Variants in NFIA observed in about 807,000 individuals in gnomAD.
The protein encoded by NFIA is nuclear factor I A, also known as nuclear factor 1 A-type.
Under a neutral mutation model 62.8 loss-of-function variants are expected in NFIA, and 8 were observed. That is an observed-to-expected ratio of 0.13 (90% CI 0.07 to 0.23). NFIA has a LOEUF of 0.23. Among genes scored for constraint, NFIA ranks in the 10% least tolerant of loss-of-function variants. The pLI is 1.00. For synonymous variants in NFIA, 235 were observed against 238.1 expected (o/e 0.99, Z 0.12); for missense variants, 410 against 642.1 (o/e 0.64, Z 3.91).
At chr1:61,200,427 T>G (rs1347914626) in intron 2 of NFIA, among the ~76,000 whole-genome samples, 1 of 151,996 alleles carries the variant, frequency 6.6e-6, no homozygotes, top group Non-Finnish European at 1.5e-5. Context: ...AAAAAGAAAT[T>G]AAGGAAGATT....
chr1:61,077,624 C>A (rs894596357), upstream of NFIA: 6 of 1,423,432 alleles, frequency 4.2e-6, no homozygotes, highest in African/African-American at 7.1e-5. Flanking sequence ...TTTTACATTG[C>A]AATGGTACGT....
chr1:61,109,869 G>A (rs1646666107), intron 2 of NFIA, among the ~76,000 whole-genome samples: 1 of 151,848 alleles, frequency 6.6e-6, no homozygotes, highest in Non-Finnish European at 1.5e-5. Context: ...GAGACCTTGT[G>A]GTAATTGAAT....
chr1:61,234,586 A>G (rs927523508), intron 2 of NFIA, among the ~76,000 whole-genome samples: 4 of 152,176 alleles, frequency 2.6e-5, no homozygotes, highest in African/African-American at 7.2e-5. Context: ...ATACTAGCAT[A>G]TAAAAGAAAG....
At chr1:61,323,070 AAG>A (rs1358961832) in intron 3 of NFIA, among the ~76,000 whole-genome samples, 1 of 152,214 alleles carries the variant, frequency 6.6e-6, no homozygotes, top group Non-Finnish European at 1.5e-5. Flanking sequence ...GGAGCCACAA[AAG>A]AAGGCCAACA....
intron 10 of NFIA, among the ~76,000 whole-genome samples, chr1:61,428,490 C>A (rs182007026): frequency 1.3e-4 from 19 of 150,844 alleles, no homozygotes; most frequent in African/African-American, 4.1e-4. Context: ...TGAAGAAAGT[C>A]ATTCCCAATT....
At chr1:61,179,993 CTCTT>C (rs1650644798) in intron 2 of NFIA, among the ~76,000 whole-genome samples, 1 of 152,166 alleles carries the variant, frequency 6.6e-6, no homozygotes, top group South Asian at 2.1e-4. Context: ...TCAATCAGGA[CTCTT>C]TATGCATTAT....
intron 3 of NFIA, among the ~76,000 whole-genome samples, chr1:61,296,723 C>T (rs1407376489): frequency 6.6e-6 from 1 of 152,094 alleles, no homozygotes; most frequent in Admixed American, 6.6e-5. Flanking sequence ...CCTTACCCAC[C>T]TGTAACTTTA....
chr1:61,370,448 C>T (rs1274187073), intron 6 of NFIA, among the ~76,000 whole-genome samples: 3 of 152,162 alleles, frequency 2.0e-5, no homozygotes, highest in Non-Finnish European at 4.4e-5. Flanking sequence ...AAGAAAACTT[C>T]CGGAATAAAA....
intron 7 of NFIA, among the ~76,000 whole-genome samples, chr1:61,387,723 G>A (rs1664776648): frequency 6.6e-6 from 1 of 152,146 alleles, no homozygotes; most frequent in Admixed American, 6.5e-5. Flanking sequence ...CACACAGTGG[G>A]TTTTATGCTC....
At chr1:61,417,279 G>C (rs988204314) in intron 9 of NFIA, among the ~76,000 whole-genome samples, 1 of 148,194 alleles carries the variant, frequency 6.7e-6, no homozygotes, top group Non-Finnish European at 1.5e-5. Context: ...GTGTGTGTGT[G>C]TGTGTGTGTG....
At chr1:61,411,791 A>G (rs1666115593) in intron 9 of NFIA, among the ~76,000 whole-genome samples, 1 of 151,842 alleles carries the variant, frequency 6.6e-6, no homozygotes, top group Admixed American at 6.6e-5. Context: ...AAATTTGAAC[A>G]AAGTCTGGAC....
chr1:61,176,480 G>A (rs970860884), intron 2 of NFIA, among the ~76,000 whole-genome samples: 13 of 151,966 alleles, frequency 8.6e-5, no homozygotes, highest in South Asian at 2.1e-4. Flanking sequence ...GTTTTTTAGC[G>A]TACCAGAAGA....
upstream of NFIA, among the ~76,000 whole-genome samples, chr1:61,078,429 A>G (rs1646058252): frequency 6.6e-6 from 1 of 152,220 alleles, no homozygotes; most frequent in Admixed American, 6.5e-5. Context: ...TGGAATGTGA[A>G]GTTCAACTTT....
intron 9 of NFIA, among the ~76,000 whole-genome samples, chr1:61,416,497 C>T (rs1016533609): frequency 6.6e-6 from 1 of 152,050 alleles, no homozygotes; most frequent in African/African-American, 2.4e-5. Flanking sequence ...GTAAGGTGAG[C>T]ATTTTCATTC....
chr1:61,382,135 CCT>C (rs1388428843), intron 6 of NFIA, among the ~76,000 whole-genome samples: 7 of 152,162 alleles, frequency 4.6e-5, no homozygotes, highest in Admixed American at 3.3e-4. Flanking sequence ...AAATTTGTCC[CCT>C]GATGCGGAGA....
intron 4 of NFIA, among the ~76,000 whole-genome samples, chr1:61,348,498 T>C (rs1662369236): frequency 6.6e-6 from 1 of 152,190 alleles, no homozygotes; most frequent in Non-Finnish European, 1.5e-5. Context: ...TTTGCCACAT[T>C]ACAATTCCAG....
At chr1:61,226,063 G>A (rs963472043) in intron 2 of NFIA, among the ~76,000 whole-genome samples, 5 of 152,146 alleles carry the variant, frequency 3.3e-5, no homozygotes, top group African/African-American at 1.2e-4. Flanking sequence ...ATGAAACAGT[G>A]GACATACAAC....
intron 6 of NFIA, among the ~76,000 whole-genome samples, chr1:61,373,951 C>T (rs1199251816): frequency 6.6e-6 from 1 of 152,188 alleles, no homozygotes; most frequent in African/African-American, 2.4e-5. Flanking sequence ...TAGAGATGTT[C>T]TGTGTCTATA....
At chr1:61,210,945 A>G (rs888937407) in intron 2 of NFIA, among the ~76,000 whole-genome samples, 4 of 152,260 alleles carry the variant, frequency 2.6e-5, no homozygotes, top group Non-Finnish European at 5.9e-5. Context: ...GCAAAGGATC[A>G]GGGCCAATGT....
Sources: allele counts gnomAD v4.1 joint callset (sites outside exome capture counted in the v4.1 genomes callset), GRCh38; gene constraint gnomAD v4.1.1; transcripts MANE v1.5; gene names NCBI Gene and HGNC (gene_info 2026-07-23, HGNC 2026-07-21).